Variants in PCDHA2 observed in about 807,000 individuals in gnomAD.
PCDHA2 encodes the protein protocadherin alpha 2, also known as protocadherin alpha-2.
PCDHA2 carries 58 observed loss-of-function variants against 66.0 expected under a neutral mutation model. The ratio of observed to expected loss-of-function variants is 0.88; its 90% CI spans 0.71 to 1.09. The LOEUF (loss-of-function observed/expected upper bound fraction) is 1.09, where lower values mean the gene tolerates loss of function less well. PCDHA2 is among the 50% of genes least tolerant of loss of function. PCDHA2 has a pLI of 0.00. For missense variants in PCDHA2, 1,267 were observed against 1,242.3 expected (o/e 1.02, Z -0.30); for synonymous variants, 634 against 554.0 (o/e 1.14, Z -2.03).
intron 3 of PCDHA2, among the ~76,000 whole-genome samples, chr5:141,007,668 G>C (rs556655396): frequency 6.6e-6 from 1 of 152,262 alleles, no homozygotes; most frequent in East Asian, 1.9e-4. Context: ...AATTTACAAA[G>C]ACAAAAGTTA....
At chr5:140,925,052 A>G (rs1221049582) in intron 1 of PCDHA2, among the ~76,000 whole-genome samples, 1 of 151,720 alleles carries the variant, frequency 6.6e-6, no homozygotes, top group African/African-American at 2.4e-5. Context: ...TTGAGACCAG[A>G]CTGGGCAACA....
chr5:140,796,402 T>G lies in PCDHA2; in HGVS notation c.1438T>G (p.Trp480Gly). Residue 480 changes from tryptophan (W) to glycine (G), a missense_variant, in exon 1 of 4, where the codon TGG becomes GGG. Trp to Gly is a radical substitution (Grantham distance 184). Coordinates refer to ENST00000526136, the MANE Select transcript of PCDHA2 (RefSeq NM_018905.3). ...CTGCCACATCTTCACGGTGTCAGCG[T>G]GGGATGCGGACGCGCAGGAGAACGC... ...PGCHIFTVSA[W>G]DADAQENALV... is the part of the protein sequence containing the mutation. 3 of 1,613,738 alleles carry G rather than the reference T, an allele frequency of 1.9e-6. No individual in the cohort carries two copies. The highest frequency in any genetic ancestry group is 2.5e-6 in the Non-Finnish European group (3 of 1,179,934).
At chr5:140,821,810 G>C in intron 1 of PCDHA2, 2 of 1,613,712 alleles carry the variant, frequency 1.2e-6, no homozygotes, top group Non-Finnish European at 1.7e-6. Flanking sequence ...CTGGGATCCC[G>C]GCTCCTGCTG....
At position 140,795,431 on chromosome 5, in the gene PCDHA2, G is replaced by C. The variant is rs895450115; in HGVS notation, c.467G>C (p.Gly156Ala). The change falls in exon 1 of 4, where the codon GGA (glycine) becomes GCA (alanine). Residue 156 changes from glycine (G) to alanine (A), a missense_variant. By Grantham distance (60) the Gly-to-Ala change is moderately conservative. Coordinates refer to ENST00000526136, the MANE Select transcript of PCDHA2 (RefSeq NM_018905.3). ...RLLDSRFPLEGASDADIGVNA... is the reference protein window; with the variant it reads ...RLLDSRFPLEAASDADIGVNA... The stretch of plus-strand genomic sequence containing the variant: ...CTTGATTCTCGGTTTCCTCTAGAGG[G>C]AGCATCTGATGCAGATATAGGAGTA... 4.3e-6 allele frequency: 7 copies of C among 1,614,030 alleles called. No individual in the cohort carries two copies. The highest frequency in any genetic ancestry group is 3.3e-5 in the Admixed American group (2 of 60,008).
rs575152424 is a variant in PCDHA2 at position 140,895,872 on chromosome 5, C to T, written c.2389-83077C>T. Among the ~76,000 whole-genome samples, 3 of 152,222 alleles carry T rather than the reference C, an allele frequency of 2.0e-5. No homozygotes were observed. The South Asian group carries it at 6.2e-4, about 32-fold the overall frequency. ...TGTACCCCAGGCTGGAGTGCAATGG[C>T]GCGATCTCGGCTCACTGCAACCTCC... On this transcript the variant is annotated intron_variant, in intron 1 of 3. Transcript: ENST00000526136.
rs2150466596 is a variant in PCDHA2 at position 140,850,091 on chromosome 5, G to A, written c.2388+52739G>A. 5 of 1,596,604 alleles carry A rather than the reference G, an allele frequency of 3.1e-6. No individual in the cohort carries two copies. In the African/African-American group the frequency reaches 5.4e-5, roughly 17 times the overall value. On this transcript the variant is annotated intron_variant, in intron 1 of 3. Coordinates refer to ENST00000526136, the MANE Select transcript of PCDHA2 (RefSeq NM_018905.3). ...ACCACGAGGAGCTGGAGCTGCTACA[G>A]TTCCAGGTGAGCGCGCGCGACGCGG...
In PCDHA2 at chr5:140,856,910, A is replaced by G. The variant is rs782378927; in HGVS notation, c.2388+59558A>G. On this transcript the variant is annotated intron_variant, in intron 1 of 3. Coordinates refer to ENST00000526136, the MANE Select transcript of PCDHA2 (RefSeq NM_018905.3). ...ATTTAGCTCTTTGGTCCCACCCACG[A>G]TAAGAAGGAAATTTTGGATAAACGA... 4.4e-6 allele frequency: 7 copies of G among 1,596,308 alleles called. No individual in the cohort carries two copies. In the South Asian group the frequency reaches 4.4e-5, roughly 10 times the overall value.
intron 1 of PCDHA2, chr5:140,849,388 T>G: frequency 6.5e-7 from 1 of 1,533,538 alleles, no homozygotes; most frequent in Non-Finnish European, 8.9e-7. Context: ...ATGGACCCCT[T>G]AAGTGGGGCA....
At chr5:140,850,157 C>T (rs2150470014) in intron 1 of PCDHA2, 2 of 1,594,994 alleles carry the variant, frequency 1.3e-6, no homozygotes, top group African/African-American at 1.3e-5. Flanking sequence ...TGCAGGTGTT[C>T]GTGCTGGACG....
Position 140,841,611 on chromosome 5 carries a change from G to A in PCDHA2, c.2388+44259G>A, listed in dbSNP as rs2150319293. ...CGGATCGACCGCGAGGAGCTGTGCG[G>A]GCGGAGCGCGGAGTGCAGCATCCAC... On this transcript the variant is annotated intron_variant, in intron 1 of 3. Transcript: ENST00000526136. 6 of 1,614,136 alleles carry A rather than the reference G, an allele frequency of 3.7e-6. No individual in the cohort carries two copies. The highest frequency in any genetic ancestry group is 4.2e-6 in the Non-Finnish European group (5 of 1,180,014).
rs782257127 is a variant in PCDHA2, at chr5:140,870,719, C to G, written c.2388+73367C>G. On this transcript the variant is annotated intron_variant, in intron 1 of 3. Coordinates refer to ENST00000526136, the MANE Select transcript of PCDHA2 (RefSeq NM_018905.3). ...CAGTTCCAGGTGAGCGCGCGCGATG[C>G]GGGCGTGCCGCCTCTGAGCAGCAAC... 3.7e-6 allele frequency: 6 copies of G among 1,612,966 alleles called. No homozygotes were observed. In the African/African-American group the frequency reaches 4.0e-5, roughly 11 times the overall value.
intron 1 of PCDHA2, chr5:140,823,030 G>T: frequency 6.2e-7 from 1 of 1,614,220 alleles, no homozygotes; most frequent in Non-Finnish European, 8.5e-7. Context: ...GAGCGTGTCG[G>T]TCTATGAGCT....
intron 3 of PCDHA2, among the ~76,000 whole-genome samples, chr5:140,998,588 G>A (rs1315091552): frequency 6.7e-6 from 1 of 148,536 alleles, no homozygotes; most frequent in African/African-American, 2.5e-5. Context: ...TTTTGAGACA[G>A]AGTTTTGCTC....
rs1028376160 is a variant in PCDHA2 at position 140,924,281 on chromosome 5, C to T, written c.2389-54668C>T. Among the ~76,000 whole-genome samples the T allele has an allele frequency of 2.6e-5, 4 of 152,170 alleles. No individual in the cohort carries two copies. The East Asian group carries it at 7.7e-4, about 29-fold the overall frequency. ...TAATGAGGTCTGTACTTGTGACTAC[C>T]TAATAGGCTGACATGTTTCCTCCTT... is the stretch of plus-strand genomic sequence containing the variant. On this transcript the variant is annotated intron_variant, in intron 1 of 3. Coordinates refer to ENST00000526136, the MANE Select transcript of PCDHA2 (RefSeq NM_018905.3).
chr5:140,954,470 G>T (rs999752135), intron 1 of PCDHA2, among the ~76,000 whole-genome samples: 2 of 152,150 alleles, frequency 1.3e-5, no homozygotes, highest in Non-Finnish European at 2.9e-5. Flanking sequence ...ATTCTGACTG[G>T]TGTGAGAAGA....
intron 1 of PCDHA2, chr5:140,807,132 T>G: frequency 6.4e-7 from 1 of 1,559,298 alleles, no homozygotes; most frequent in Non-Finnish European, 8.7e-7. Context: ...GATTAAAAGA[T>G]TTCCCTTGAC....
At position 140,841,885 on chromosome 5, in the gene PCDHA2, G is replaced by A. The variant is rs2150324724; in HGVS notation, c.2388+44533G>A. The A allele has an allele frequency of 1.5e-5, 24 of 1,613,684 alleles. 1 individual carries two copies. In the African/African-American group the frequency reaches 2.7e-4, roughly 18 times the overall value. On this transcript the variant is annotated intron_variant, in intron 1 of 3. Coordinates refer to ENST00000526136, the MANE Select transcript of PCDHA2 (RefSeq NM_018905.3). ...TAGATGTGAATTCAAAGAACGATGA[G>A]AATAAACTGGTTGAGCTCGTATTAA...
rs190398483 is a variant in PCDHA2 at position 140,849,974 on chromosome 5, G to T, written c.2388+52622G>T. The T allele has an allele frequency of 6.3e-6, 10 of 1,597,556 alleles. 1 individual carries two copies. Among genetic ancestry groups the T allele is most frequent in the Admixed American group, 5.1e-5 (3 of 59,294 alleles). On this transcript the variant is annotated intron_variant, in intron 1 of 3. Coordinates refer to ENST00000526136, the MANE Select transcript of PCDHA2 (RefSeq NM_018905.3). ...AGGAGAACGCCCTGGTGTCCTACTC[G>T]CTGGTGGAGCGGCGGTTGGGCGAGC...
At chr5:140,925,236 T>C (rs1398147161) in intron 1 of PCDHA2, among the ~76,000 whole-genome samples, 1 of 152,202 alleles carries the variant, frequency 6.6e-6, no homozygotes, top group African/African-American at 2.4e-5. Context: ...TACCAGAAAA[T>C]ATGTCCTGGA....
Sources: gnomAD v4.1 joint callset for allele counts (sites outside exome capture counted in the v4.1 genomes callset) on GRCh38, gnomAD v4.1.1 for gene constraint, MANE v1.5 for transcripts, NCBI Gene and HGNC (gene_info 2026-07-23, HGNC 2026-07-21) for gene names.